Variants in SEC63 observed in about 807,000 individuals in gnomAD.
The protein encoded by SEC63 is SEC63 protein translocation regulator.
Under a neutral mutation model 116.2 loss-of-function variants are expected in SEC63, and 56 were observed. The ratio of observed to expected loss-of-function variants is 0.48; its 90% CI spans 0.39 to 0.60. The LOEUF is 0.60. SEC63 is among the 20% of genes least tolerant of loss of function. The pLI, the probability that SEC63 is intolerant of heterozygous loss-of-function variation, is 0.00. For synonymous variants in SEC63, 273 were observed against 294.6 expected (o/e 0.93, Z 0.75); for missense variants, 668 against 900.0 (o/e 0.74, Z 3.30).
intron 1 of SEC63, among the ~76,000 whole-genome samples, chr6:107,945,999 C>T (rs923331900): frequency 1.3e-5 from 2 of 151,954 alleles, no homozygotes; most frequent in African/African-American, 2.4e-5. Flanking sequence ...TGCAGTGGTG[C>T]GATCTCAGCT....
At chr6:107,955,916 A>AAATG (rs929906908) in intron 1 of SEC63, 1 of 285,698 alleles carries the variant, frequency 3.5e-6, no homozygotes, top group Non-Finnish European at 7.0e-6. Context: ...ATAAATAAAT[A>AAATG]GTATGATTCT....
At chr6:107,943,529 G>A (rs970574818) in intron 1 of SEC63, among the ~76,000 whole-genome samples, 2 of 152,098 alleles carry the variant, frequency 1.3e-5, no homozygotes, top group East Asian at 1.9e-4. Flanking sequence ...AAAAATCCAC[G>A]TATAAGTGGA....
In SEC63 at chr6:107,893,853, C is replaced by T. The variant is rs1786751907; in HGVS notation, c.1485G>A (p.Gln495=). 1 of 1,614,138 alleles carries T rather than the reference C, an allele frequency of 6.2e-7. No individual in the cohort carries two copies. Among genetic ancestry groups the T allele is most frequent in the Admixed American group, 1.7e-5 (1 of 60,016 alleles). ...KEQSICAAEE[Q]PAEDGQGETN... is the part of the protein sequence containing the mutation. The stretch of plus-strand genomic sequence containing the variant: ...AAGTTTTTACCCCATCTTCTGCTGG[C>T]TGTTCCTCTGCAGCACAGATGGACT... The change falls in exon 15 of 21, where the codon CAG becomes CAA. Residue 495 remains glutamine, a synonymous_variant. Transcript: ENST00000369002.
intron 1 of SEC63, among the ~76,000 whole-genome samples, chr6:107,940,156 A>AG (rs1770344673): frequency 6.6e-6 from 1 of 152,040 alleles, no homozygotes; most frequent in African/African-American, 2.4e-5. Context: ...GGAACCTAGA[A>AG]GGCAACTGAA....
chr6:107,954,120 T>C (rs544011238), intron 1 of SEC63, among the ~76,000 whole-genome samples: 3 of 152,284 alleles, frequency 2.0e-5, no homozygotes, highest in South Asian at 4.1e-4. Context: ...TGTTCTGTAC[T>C]AGGAAAAATT....
chr6:107,939,597 C>G (rs1770330052), intron 1 of SEC63, among the ~76,000 whole-genome samples: 1 of 151,986 alleles, frequency 6.6e-6, no homozygotes, highest in East Asian at 1.9e-4. Context: ...ACTAAAAATA[C>G]AAAAATTAGA....
chr6:107,877,390 G>T (rs906286426), intron 18 of SEC63: 4 of 152,070 alleles, frequency 2.6e-5, no homozygotes, highest in Non-Finnish European at 5.9e-5. Flanking sequence ...GTCCGAAATG[G>T]TTAAAAAATC....
At chr6:107,938,747 G>A (rs1433730735) in intron 1 of SEC63, among the ~76,000 whole-genome samples, 1 of 151,638 alleles carries the variant, frequency 6.6e-6, no homozygotes, top group Admixed American at 6.6e-5. Flanking sequence ...GTAGAGATGG[G>A]GTTTCCGCCA....
chr6:107,927,662 A>G (rs770646245), intron 2 of SEC63, among the ~76,000 whole-genome samples: 9 of 152,220 alleles, frequency 5.9e-5, no homozygotes, highest in Non-Finnish European at 1.3e-4. Context: ...TGTTGAACAA[A>G]GCCAGATAAG....
At chr6:107,893,693 A>G in intron 15 of SEC63, 38 bp from the exon 16 acceptor site, 1 of 1,611,402 alleles carries the variant, frequency 6.2e-7, no homozygotes, top group South Asian at 1.1e-5. Context: ...AAGTTATAGC[A>G]ACAGATTCAA....
In SEC63 at chr6:107,928,695, T is replaced by C. The variant is rs535038275; in HGVS notation, c.224+720A>G. 3.3e-5 allele frequency among the ~76,000 whole-genome samples: 5 copies of C among 152,298 alleles called. No individual in the cohort carries two copies. The East Asian group carries it at 9.7e-4, about 29-fold the overall frequency. On this transcript the variant is annotated intron_variant, in intron 2 of 20. Transcript: ENST00000369002. ...AATGTAGGTAATTCACAAGACATAG[T>C]AGTCCAATAATGGTAACTCTCTCAC...
intron 1 of SEC63, among the ~76,000 whole-genome samples, chr6:107,937,123 A>ATTTTTTTTTTTT (rs3062082): frequency 7.7e-6 from 1 of 129,916 alleles, no homozygotes; most frequent in Non-Finnish European, 1.6e-5. Context: ...TATGTACCAC[A>ATTTTTTTTTTTT]TTTTTTTTTT....
rs556487413 is a variant in SEC63 at position 107,874,370 on chromosome 6, G to A, written c.2035-1458C>T. 3.2e-3 allele frequency among the ~76,000 whole-genome samples: 489 copies of A among 152,134 alleles called. 8 individuals are homozygous for A. Among genetic ancestry groups the A allele is most frequent in the Non-Finnish European group, 4.5e-3 (309 of 67,980 alleles). ...AGCACTTTGGGAGGCCAAGGCGGGC[G>A]GATCACAAGGTCAGGAGATTGAGAC... On this transcript the variant is annotated intron_variant, in intron 19 of 20. Coordinates refer to ENST00000369002, the MANE Select transcript of SEC63 (RefSeq NM_007214.5).
rs569051847 is a variant in SEC63, at chr6:107,893,764, T to C, written c.1500+74A>G. ...AAACTGAATTACTCTCCCAGAGCAA[T>C]ATAAGTCAATTGGAAAAGTAAATAA... On this transcript the variant is annotated intron_variant, in intron 15 of 20. Transcript: ENST00000369002. The C allele has an allele frequency of 6.9e-6, 11 of 1,599,738 alleles. No individual in the cohort carries two copies. The East Asian group carries it at 2.0e-4, about 29-fold the overall frequency.
chr6:107,916,271 G>T (rs1286697839), intron 4 of SEC63, among the ~76,000 whole-genome samples: 3 of 152,198 alleles, frequency 2.0e-5, no homozygotes, highest in African/African-American at 7.2e-5. Context: ...AATGCTTGAA[G>T]GAGACACTAA....
At chr6:107,920,190 G>A (rs758396982) in intron 4 of SEC63, among the ~76,000 whole-genome samples, 9 of 151,964 alleles carry the variant, frequency 5.9e-5, no homozygotes, top group African/African-American at 1.7e-4. Context: ...TTGGGAGGCC[G>A]AGGCGGGAGG....
chr6:107,929,442 G>C lies in SEC63; in HGVS notation c.197C>G (p.Pro66Arg). ...TACTGTAGGAATAATATTTGGCTGG[G>C]GTTTTAATAACCGTAAACGATACCA... Reference protein sequence around the residue: ...CMWYRLRLLKPQPNIIPTVKK... With the variant: ...CMWYRLRLLKRQPNIIPTVKK... Residue 66 changes from proline (P) to arginine (R), a missense_variant, in exon 2 of 21, where the codon CCC becomes CGC. Transcript: ENST00000369002. 1.3e-6 allele frequency: 2 copies of C among 1,589,740 alleles called. No individual in the cohort carries two copies. The highest frequency in any genetic ancestry group is 1.7e-6 in the Non-Finnish European group (2 of 1,158,310).
At chr6:107,939,959 A>G (rs927945293) in intron 1 of SEC63, among the ~76,000 whole-genome samples, 1 of 152,180 alleles carries the variant, frequency 6.6e-6, no homozygotes, top group African/African-American at 2.4e-5. Flanking sequence ...ATAGTTAGCC[A>G]TATGTCTCAT....
At chr6:107,914,705 A>C (rs1009322984) in intron 4 of SEC63, among the ~76,000 whole-genome samples, 2 of 152,142 alleles carry the variant, frequency 1.3e-5, no homozygotes, top group Non-Finnish European at 2.9e-5. Flanking sequence ...TTTGTCCTAG[A>C]TCCCCTGTAC....
Sources: allele counts gnomAD v4.1 joint callset (sites outside exome capture counted in the v4.1 genomes callset), GRCh38; gene constraint gnomAD v4.1.1; transcripts MANE v1.5; gene names NCBI Gene and HGNC (gene_info 2026-07-23, HGNC 2026-07-21).